Variants in EXT2 observed in about 807,000 individuals in gnomAD.
EXT2 encodes exostosin glycosyltransferase 2.
In EXT2, 53 loss-of-function variants were observed where a neutral mutation model predicts 81.6. The observed-to-expected ratio is 0.65, with a 90% CI of 0.52 to 0.82. EXT2 has a LOEUF of 0.82. EXT2 is among the 40% of genes least tolerant of loss of function. EXT2 has a pLI of 0.00. For synonymous variants in EXT2, 320 were observed against 340.0 expected (o/e 0.94, Z 0.65); for missense variants, 774 against 910.2 (o/e 0.85, Z 1.93).
At chr11:44,176,402 A>G (rs1482146396) in intron 8 of EXT2, among the ~76,000 whole-genome samples, 1 of 152,220 alleles carries the variant, frequency 6.6e-6, no homozygotes, top group Non-Finnish European at 1.5e-5. Flanking sequence ...ACTCTTAACA[A>G]TTTGAGAGGT....
chr11:44,171,548 G>A, intron 7 of EXT2, 63 bp from the exon 8 acceptor site: 1 of 1,611,954 alleles, frequency 6.2e-7, no homozygotes. Context: ...GACTATGATA[G>A]AGTATCTAGT....
intron 7 of EXT2, among the ~76,000 whole-genome samples, chr11:44,169,903 T>A (rs1021568229): frequency 3.9e-5 from 6 of 152,110 alleles, no homozygotes; most frequent in African/African-American, 1.4e-4. Context: ...AAATTTGAAA[T>A]GTATATTTAT....
At chr11:44,165,124 C>T (rs1011959553) in intron 7 of EXT2, among the ~76,000 whole-genome samples, 13 of 151,940 alleles carry the variant, frequency 8.6e-5, no homozygotes, top group Non-Finnish European at 1.3e-4. Context: ...GTGATCCGCC[C>T]GCCTCGGCCT....
chr11:44,153,146 A>G (rs952283974), intron 7 of EXT2, among the ~76,000 whole-genome samples: 1 of 152,226 alleles, frequency 6.6e-6, no homozygotes, highest in Admixed American at 6.5e-5. Flanking sequence ...CCTCCCAGCT[A>G]GGAATATAGA....
rs577736825 is a variant in EXT2, at chr11:44,108,391, G to A, written c.536+143G>A. 1.1e-4 allele frequency: 101 copies of A among 902,220 alleles called. No individual in the cohort carries two copies. The South Asian group carries it at 1.4e-3, about 12-fold the overall frequency. The allele number at this position is 902,220 out of a possible 1,614,324, so 55.9% of individuals were successfully genotyped here. ...TCTTGCAGGACGGGGTGTGTTGGAG[G>A]GACTGACTTGCAGCATGAGGCCTGT... is the stretch of plus-strand genomic sequence containing the variant. On this transcript the variant is annotated intron_variant, in intron 2 of 13. Coordinates refer to ENST00000533608, the MANE Select transcript of EXT2 (RefSeq NM_207122.2).
chr11:44,109,046 C>A, intron 2 of EXT2, 148 bp from the exon 3 acceptor site: 1 of 732,176 alleles, frequency 1.4e-6, no homozygotes, highest in South Asian at 1.5e-5. Context: ...GTCTGATGTG[C>A]TGTTGGGATT....
chr11:44,129,613 C>T (rs1954460494), intron 6 of EXT2, among the ~76,000 whole-genome samples: 1 of 152,178 alleles, frequency 6.6e-6, no homozygotes. Flanking sequence ...AAATATATGC[C>T]AGATAAATGA....
intron 7 of EXT2, among the ~76,000 whole-genome samples, chr11:44,154,181 C>A (rs1032937787): frequency 2.6e-5 from 4 of 151,952 alleles, no homozygotes; most frequent in Admixed American, 2.6e-4. Context: ...TTGAGATGTA[C>A]AATAAATTAT....
chr11:44,193,994 T>C (rs1449730352), intron 8 of EXT2, among the ~76,000 whole-genome samples: 4 of 152,222 alleles, frequency 2.6e-5, no homozygotes, highest in Non-Finnish European at 1.5e-5. Flanking sequence ...TGCCAGCGAC[T>C]CTGGTTCCAT....
intron 7 of EXT2, among the ~76,000 whole-genome samples, chr11:44,146,270 A>C (rs1419849947): frequency 6.6e-6 from 1 of 152,174 alleles, no homozygotes; most frequent in South Asian, 2.1e-4. Context: ...CTCTAAATAC[A>C]GTTACATTTT....
At chr11:44,149,459 G>T (rs77833115) in intron 7 of EXT2, among the ~76,000 whole-genome samples, 1 of 152,066 alleles carries the variant, frequency 6.6e-6, no homozygotes, top group Non-Finnish European at 1.5e-5. Flanking sequence ...TGATAACTAG[G>T]TTTTTAAACT....
chr11:44,095,977 C>T, intron 1 of EXT2, 125 bp downstream of exon 1: 1 of 484,120 alleles, frequency 2.1e-6, no homozygotes, highest in South Asian at 2.0e-5. Flanking sequence ...TCCGTGGAGG[C>T]CCGTGGGCTG....
intron 10 of EXT2, among the ~76,000 whole-genome samples, chr11:44,229,532 C>T (rs1590664255): frequency 6.6e-6 from 1 of 152,264 alleles, no homozygotes; most frequent in African/African-American, 2.4e-5. Flanking sequence ...ACGCCCAAGA[C>T]CTAGGTCAGA....
chr11:44,206,020 G>A (rs1043086898), intron 9 of EXT2, among the ~76,000 whole-genome samples: 6 of 152,026 alleles, frequency 3.9e-5, no homozygotes, highest in East Asian at 1.9e-4. Context: ...TGTAAGGCAC[G>A]TCATGGGTTG....
chr11:44,234,074 T>G, intron 11 of EXT2, 41 bp from the exon 12 acceptor site: 1 of 1,613,624 alleles, frequency 6.2e-7, no homozygotes, highest in Non-Finnish European at 8.5e-7. Flanking sequence ...TAAAGGGAAC[T>G]GCTATTTTTG....
chr11:44,251,899 A>G lies in EXT2; in HGVS notation c.*7612A>G, dbSNP rs551662113. Among the ~76,000 whole-genome samples the G allele has an allele frequency of 6.6e-6, 1 of 152,346 alleles. No homozygotes were observed. The highest frequency in any genetic ancestry group is 2.1e-4 in the South Asian group (1 of 4,832). ...CGTCAAGCTTACATTCTAATGAGGA[A>G]GATAACCAAAACAAGTGACTGAATA... On this transcript the variant is annotated 3_prime_UTR_variant, in exon 14 of 14. Coordinates refer to ENST00000533608, the MANE Select transcript of EXT2 (RefSeq NM_207122.2).
intron 8 of EXT2, among the ~76,000 whole-genome samples, chr11:44,178,445 G>T (rs534942850): frequency 6.6e-6 from 1 of 152,212 alleles, no homozygotes; most frequent in South Asian, 2.1e-4. Flanking sequence ...GCATCCAGAG[G>T]CTGGGTTCAG....
At chr11:44,235,334 A>C (rs1453506888) in intron 12 of EXT2, among the ~76,000 whole-genome samples, 2 of 139,390 alleles carry the variant, frequency 1.4e-5, no homozygotes, top group Non-Finnish European at 3.0e-5. Context: ...TCCTGGGTTC[A>C]AGCAATTCAC....
At chr11:44,130,272 G>A (rs1473526760) in intron 7 of EXT2, 134 bp downstream of exon 7, 4 of 729,398 alleles carry the variant, frequency 5.5e-6, no homozygotes, top group African/African-American at 3.5e-5. Flanking sequence ...AAACTGAAAC[G>A]ATAGGAAATT....
Sources: allele counts gnomAD v4.1 joint callset (sites outside exome capture counted in the v4.1 genomes callset), GRCh38; gene constraint gnomAD v4.1.1; transcripts MANE v1.5; gene names NCBI Gene and HGNC (gene_info 2026-07-23, HGNC 2026-07-21).